The following SYNE2 variants were observed in gnomAD, a reference collection of about 807,000 sequenced individuals.
SYNE2 encodes the protein spectrin repeat containing nuclear envelope protein 2.
SYNE2 carries 431 observed loss-of-function variants against 856.3 expected under a neutral mutation model. The ratio of observed to expected loss-of-function variants is 0.50; its 90% CI spans 0.47 to 0.55. The LOEUF is 0.55. Ranked by LOEUF, SYNE2 falls within the 20% of genes least tolerant of loss-of-function variation. The pLI is 0.00. For missense variants in SYNE2, 8,129 were observed against 8,023.2 expected, an observed-to-expected ratio of 1.01 and a Z score of -0.50; for synonymous variants, 2,923 against 2,872.3, an observed-to-expected ratio of 1.02 and a Z score of -0.56.
chr14:64,121,036 G>A lies in SYNE2; in HGVS notation c.13133G>A (p.Arg4378Lys). ...GTAACTGAAAGGCCACAATTCAGCA[G>A]ACAAAAAGATTTCCAGCAGCAACAG... is the stretch of plus-strand genomic sequence containing the variant. Reference protein sequence around the residue: ...SIVTERPQFSRQKDFQQQQVL... With the variant: ...SIVTERPQFSKQKDFQQQQVL... Residue 4378 changes from arginine to lysine, a missense_variant, in exon 68 of 116, where the codon AGA becomes AAA. This residue lies in a region of SYNE2 where 5,410 missense variants were observed against 5,284.8 expected (regional missense o/e 1.02). Transcript: ENST00000555002. 2 of 1,614,086 alleles carry A rather than the reference G, an allele frequency of 1.2e-6. No individual in the cohort carries two copies. Among genetic ancestry groups the A allele is most frequent in the Admixed American group, 1.7e-5 (1 of 59,990 alleles).
intron 1 of SYNE2, among the ~76,000 whole-genome samples, chr14:63,889,203 C>G (rs2095070368): frequency 6.6e-6 from 1 of 151,054 alleles, no homozygotes; most frequent in Admixed American, 6.6e-5. Flanking sequence ...ATAAGCTCCT[C>G]TTTTATTATA....
chr14:64,221,676 C>A lies in SYNE2; in HGVS notation c.20162C>A (p.Ala6721Asp). The change falls in exon 112 of 116, where the codon GCT becomes GAT. Residue 6721 changes from alanine to aspartate, a missense_variant. Coordinates refer to ENST00000555002, the MANE Select transcript of SYNE2 (RefSeq NM_182914.3). ...ACCGATCCAAAGGCAGACCCCCGGG[C>A]TCTCCTAGAGTGTCGGAGGGAACTA... Reference protein sequence around the residue: ...HVTDPKADPRALLECRRELMQ... With the variant: ...HVTDPKADPRDLLECRRELMQ... The A allele has an allele frequency of 6.2e-7, 1 of 1,614,166 alleles. No individual in the cohort carries two copies. Among genetic ancestry groups the A allele is most frequent in the Non-Finnish European group, 8.5e-7 (1 of 1,180,028 alleles).
chr14:64,180,848 T>A (rs879419301), intron 96 of SYNE2, among the ~76,000 whole-genome samples: 1 of 152,226 alleles, frequency 6.6e-6, no homozygotes, highest in Non-Finnish European at 1.5e-5. Flanking sequence ...ATATCTTTTG[T>A]TAGATTTATT....
At position 64,052,895 on chromosome 14, in the gene SYNE2, C is replaced by G; in HGVS notation, c.8982C>G (p.Cys2994Trp). The G allele has an allele frequency of 1.2e-6, 2 of 1,613,686 alleles. No individual in the cohort carries two copies. Among genetic ancestry groups the G allele is most frequent in the East Asian group, 2.2e-5 (1 of 44,864 alleles). ...LKDRLTAIKCCILQVLKLKKV... is the reference protein window; with the variant it reads ...LKDRLTAIKCWILQVLKLKKV... ...ACAGACTCACCGCTATTAAGTGTTGCATCTTACAGGTATTGAAACTTAAAA... is the reference window on the plus strand; with the variant it reads ...ACAGACTCACCGCTATTAAGTGTTGGATCTTACAGGTATTGAAACTTAAAA... Residue 2994 changes from cysteine (C) to tryptophan (W), a missense_variant, in exon 48 of 116, where the codon TGC becomes TGG. This residue lies in a region of SYNE2 where 5,410 missense variants were observed against 5,284.8 expected (regional missense o/e 1.02). Coordinates refer to ENST00000555002, the MANE Select transcript of SYNE2 (RefSeq NM_182914.3).
Position 64,012,180 on chromosome 14 carries a change from C to T in SYNE2, c.4728+2064C>T, listed in dbSNP as rs558217470. Among the ~76,000 whole-genome samples the T allele has an allele frequency of 2.6e-5, 4 of 152,258 alleles. No individual in the cohort carries two copies. The South Asian group carries it at 8.3e-4, about 32-fold the overall frequency. ...TTTGAGTTTCTATGGCACAAATGGC[C>T]TTGCTTCTTATTGGCTTCTCTGCAC... On this transcript the variant is annotated intron_variant, in intron 32 of 115. Coordinates refer to ENST00000555002, the MANE Select transcript of SYNE2 (RefSeq NM_182914.3).
intron 88 of SYNE2, chr14:64,162,621 A>T (rs1489539933): frequency 8.5e-6 from 3 of 353,986 alleles, no homozygotes; most frequent in Non-Finnish European, 1.6e-5. Context: ...TACATGTTGT[A>T]TCTCTTGTTT....
intron 45 of SYNE2, among the ~76,000 whole-genome samples, chr14:64,044,747 C>T (rs2097173469): frequency 6.6e-6 from 1 of 152,068 alleles, no homozygotes; most frequent in South Asian, 2.1e-4. Context: ...GGAGTTTGCC[C>T]ACACAACCTC....
chr14:64,029,861 A>T lies in SYNE2; in HGVS notation c.6715-34A>T, dbSNP rs753694493. ...TGTGAGTGAAAACAATCAGAGAGAA[A>T]TAATTTGTAAATTGTCTGTGGCTTT... On this transcript the variant is annotated intron_variant, in intron 43 of 115. Transcript: ENST00000555002. The T allele has an allele frequency of 6.2e-6, 10 of 1,602,082 alleles. No individual in the cohort carries two copies. In the South Asian group the frequency reaches 1.1e-4, roughly 18 times the overall value.
At position 63,817,837 on chromosome 14, in the gene SYNE2, A is replaced by G. The variant is rs148434667; in HGVS notation, c.-304-34664A>G. The stretch of plus-strand genomic sequence containing the variant: ...CCAGGAGTTCAAGATCAGCTTGGGC[A>G]ACACAGGGAGACCCTGTCTCTAGAA... On this transcript the variant is annotated intron_variant, in intron 1 of 23. Coordinates refer to the SYNE2 transcript ENST00000674003. Among the ~76,000 whole-genome samples, 482 of 151,912 alleles carry G rather than the reference A, an allele frequency of 3.2e-3. 3 individuals are homozygous for G. The highest frequency in any genetic ancestry group is 0.011 in the African/African-American group (462 of 41,462).
intron 1 of SYNE2, among the ~76,000 whole-genome samples, chr14:63,875,367 T>C (rs2094690982): frequency 6.6e-6 from 1 of 152,242 alleles, no homozygotes; most frequent in African/African-American, 2.4e-5. Context: ...ATAGCATCTT[T>C]ATGAACAGTT....
chr14:63,850,062 C>T (rs67289344), upstream of SYNE2, among the ~76,000 whole-genome samples: 16,030 of 146,964 alleles, frequency 0.11, 960 homozygotes, highest in African/African-American at 0.16. Flanking sequence ...GGGCATGGGG[C>T]ATAATATGAC....
intron 1 of SYNE2, among the ~76,000 whole-genome samples, chr14:63,881,646 GA>G (rs1019010855): frequency 6.7e-6 from 1 of 148,974 alleles, no homozygotes; most frequent in Non-Finnish European, 1.5e-5. Flanking sequence ...TAAAGAATTA[GA>G]AAAAAAACCC....
At chr14:63,902,024 A>G (rs2095343728) in intron 1 of SYNE2, among the ~76,000 whole-genome samples, 1 of 152,192 alleles carries the variant, frequency 6.6e-6, no homozygotes, top group Non-Finnish European at 1.5e-5. Context: ...ACAATCCCAC[A>G]TTATTCCACT....
intron 87 of SYNE2, 117 bp downstream of exon 87, chr14:64,159,559 C>A: frequency 1.7e-6 from 2 of 1,192,420 alleles, no homozygotes; most frequent in Non-Finnish European, 2.4e-6. Flanking sequence ...TGGTTTCCTA[C>A]TGTTCTGGTC....
intron 1 of SYNE2, among the ~76,000 whole-genome samples, chr14:63,847,886 TA>T (rs993559694): frequency 6.1e-5 from 9 of 148,004 alleles, no homozygotes; most frequent in Admixed American, 5.4e-4. Flanking sequence ...ATGCCCCGCC[TA>T]TTTTTTTGTT....
chr14:64,159,490 A>G (rs2153712175), intron 87 of SYNE2, 48 bp downstream of exon 87: 2 of 1,602,854 alleles, frequency 1.2e-6, no homozygotes, highest in East Asian at 4.5e-5. Context: ...TATCTTAATG[A>G]CTTGTGAAGA....
intron 63 of SYNE2, chr14:64,099,886 C>A (rs984922778): frequency 1.3e-5 from 2 of 152,122 alleles, no homozygotes; most frequent in Non-Finnish European, 2.9e-5. Flanking sequence ...TCTCCCAATG[C>A]TATCCCTTCC....
chr14:64,214,154 A>G (rs780935065), intron 105 of SYNE2, 40 bp from the exon 106 acceptor site: 2 of 1,614,192 alleles, frequency 1.2e-6, no homozygotes, highest in African/African-American at 1.3e-5. Context: ...GCAGAAGCCT[A>G]TGAGTTGATT....
Position 63,998,244 on chromosome 14 carries a change from G to T in SYNE2, c.3269G>T (p.Ser1090Ile). The T allele has an allele frequency of 6.2e-7, 1 of 1,613,878 alleles. No individual in the cohort carries two copies. The highest frequency in any genetic ancestry group is 8.5e-7 in the Non-Finnish European group (1 of 1,179,848). ...GCAATGGAACCCACTATGAAGTTTA[G>T]CCTGGCATCAGTGTTAAGGCCTCTG... ...EKAMEPTMKF[S>I]LASVLRPLQE... is the part of the protein sequence containing the mutation. Residue 1090 changes from serine to isoleucine, a missense_variant, in exon 26 of 116, where the codon AGC (serine) becomes ATC (isoleucine). Transcript: ENST00000555002.
Sources: allele counts gnomAD v4.1 joint callset (sites outside exome capture counted in the v4.1 genomes callset), GRCh38; gene constraint gnomAD v4.1.1; regional missense constraint gnomAD v4.1.1; transcripts MANE v1.5; gene names NCBI Gene and HGNC (gene_info 2026-07-23, HGNC 2026-07-21).